Variants in CSMD3 observed in about 807,000 individuals in gnomAD.
CSMD3 encodes CUB and Sushi multiple domains 3.
Under a neutral mutation model 435.2 loss-of-function variants are expected in CSMD3, and 177 were observed. That is an observed-to-expected ratio of 0.41 (90% confidence interval 0.36 to 0.46). CSMD3 has a LOEUF of 0.46. Among genes scored for constraint, CSMD3 ranks in the 20% least tolerant of loss-of-function variants. The probability of loss-of-function intolerance (pLI) is 0.34; values close to 1 mark genes in which losing one functional copy is unlikely to be tolerated. For missense variants in CSMD3, 4,265 were observed against 4,504.6 expected (o/e 0.95, Z 1.52); for synonymous variants, 1,656 against 1,520.5 (o/e 1.09, Z -2.07).
chr8:112,573,431 T>G (rs2131300193), intron 24 of CSMD3, 70 bp downstream of exon 24: 2 of 1,187,934 alleles, frequency 1.7e-6, no homozygotes, highest in Non-Finnish European at 2.5e-6. Context: ...TTTCAATTTG[T>G]GCAATGTAAT....
At chr8:112,726,613 T>C (rs1400437431) in intron 13 of CSMD3, among the ~76,000 whole-genome samples, 2 of 151,836 alleles carry the variant, frequency 1.3e-5, no homozygotes, top group Non-Finnish European at 2.9e-5. Flanking sequence ...AAATTACATA[T>C]GGAGCTTGGA....
At chr8:112,429,213 A>T (rs1473910120) in intron 32 of CSMD3, among the ~76,000 whole-genome samples, 1 of 152,020 alleles carries the variant, frequency 6.6e-6, no homozygotes, top group African/African-American at 2.4e-5. Flanking sequence ...TAAATACCTC[A>T]ACCCCTGTTA....
chr8:112,478,149 T>C (rs1029838036), intron 31 of CSMD3, among the ~76,000 whole-genome samples: 4 of 152,158 alleles, frequency 2.6e-5, no homozygotes, highest in African/African-American at 7.2e-5. Flanking sequence ...TGTGGAACTA[T>C]AAGTCCAATA....
In CSMD3 at chr8:112,682,514, C is replaced by T. The variant is rs2131785778; in HGVS notation, c.2605G>A (p.Gly869Arg). ...ICEEGFIKTQ[G>R]TETITCILMD... ...AGAATACATGTAATTGTTTCTGTTC[C>T]CTGGGTTTTAATAAATCCTTCTTCA... Residue 869 changes from glycine (G) to arginine (R), a missense_variant, in exon 16 of 71, where the codon GGA (glycine) becomes AGA (arginine). This residue lies in a region of CSMD3 where 279 missense variants were observed against 369.0 expected (regional missense o/e 0.76). Coordinates refer to ENST00000297405, the MANE Select transcript of CSMD3 (RefSeq NM_198123.2). The T allele has an allele frequency of 6.2e-7, 1 of 1,613,614 alleles. No homozygotes were observed. The highest frequency in any genetic ancestry group is 8.5e-7 in the Non-Finnish European group (1 of 1,179,782).
At chr8:112,525,761 T>C (rs1824835262) in intron 27 of CSMD3, among the ~76,000 whole-genome samples, 1 of 141,846 alleles carries the variant, frequency 7.0e-6, no homozygotes, top group Admixed American at 7.2e-5. Context: ...CATATATATA[T>C]ATATATATAT....
At chr8:113,312,627 G>A (rs935231748) in intron 2 of CSMD3, 4 of 152,114 alleles carry the variant, frequency 2.6e-5, no homozygotes, top group Non-Finnish European at 4.4e-5. Context: ...ATTACTATCA[G>A]GGAATTGATA....
intron 22 of CSMD3, among the ~76,000 whole-genome samples, chr8:112,589,315 G>C (rs1563738155): frequency 6.6e-6 from 1 of 152,062 alleles, no homozygotes; most frequent in Non-Finnish European, 1.5e-5. Context: ...CTCACAATCT[G>C]AGCCTTTGAA....
chr8:112,708,800 T>C (rs141368079), intron 13 of CSMD3, among the ~76,000 whole-genome samples: 1 of 152,010 alleles, frequency 6.6e-6, no homozygotes, highest in African/African-American at 2.4e-5. Context: ...AGGTCGGACT[T>C]GGTCAATGAC....
At chr8:113,291,509 C>T (rs1234363992) in intron 2 of CSMD3, among the ~76,000 whole-genome samples, 1 of 151,760 alleles carries the variant, frequency 6.6e-6, no homozygotes, top group African/African-American at 2.4e-5. Context: ...ATTATGGATT[C>T]TAGATGGAAG....
chr8:112,576,356 A>G (rs531710345), intron 23 of CSMD3, among the ~76,000 whole-genome samples: 40 of 152,194 alleles, frequency 2.6e-4, no homozygotes, highest in Non-Finnish European at 4.9e-4. Context: ...AACTAACAAA[A>G]TAAGTCAACA....
chr8:112,440,023 C>G (rs934867690), intron 32 of CSMD3, among the ~76,000 whole-genome samples: 1 of 152,170 alleles, frequency 6.6e-6, no homozygotes, highest in Non-Finnish European at 1.5e-5. Context: ...CCAACAGTCA[C>G]CCACAGTCTT....
chr8:112,614,694 A>C (rs1833529166), intron 22 of CSMD3, among the ~76,000 whole-genome samples: 1 of 152,078 alleles, frequency 6.6e-6, no homozygotes, highest in South Asian at 2.1e-4. Context: ...TTTTAAAATA[A>C]AGTATTTTAA....
chr8:112,824,807 T>C (rs10094721), intron 12 of CSMD3, among the ~76,000 whole-genome samples: 2,132 of 152,242 alleles, frequency 0.014, 53 homozygotes, highest in African/African-American at 0.049. Flanking sequence ...TTATGGAGTA[T>C]CTTAGTGGTG....
At chr8:112,463,748 A>G (rs772564154) in intron 32 of CSMD3, among the ~76,000 whole-genome samples, 12 of 151,872 alleles carry the variant, frequency 7.9e-5, no homozygotes, top group Non-Finnish European at 1.8e-4. Context: ...CAGAGAAACA[A>G]CTCTTACTGT....
At chr8:113,396,842 T>C (rs1043079853) in intron 1 of CSMD3, among the ~76,000 whole-genome samples, 5 of 152,068 alleles carry the variant, frequency 3.3e-5, no homozygotes, top group African/African-American at 7.2e-5. Context: ...ACCAGATATA[T>C]TATTTATTTA....
intron 22 of CSMD3, among the ~76,000 whole-genome samples, chr8:112,588,613 CA>C (rs973191571): frequency 7.9e-5 from 12 of 152,048 alleles, no homozygotes; most frequent in African/African-American, 2.9e-4. Flanking sequence ...AACAAAATGA[CA>C]AAAACAATAA....
At chr8:112,734,083 A>G (rs991239477) in intron 13 of CSMD3, among the ~76,000 whole-genome samples, 2 of 151,982 alleles carry the variant, frequency 1.3e-5, no homozygotes, top group African/African-American at 4.8e-5. Context: ...GAAGAGTAAG[A>G]CAAATGCAAT....
intron 4 of CSMD3, among the ~76,000 whole-genome samples, chr8:113,162,963 T>C (rs1230119635): frequency 6.6e-6 from 1 of 152,198 alleles, no homozygotes; most frequent in African/African-American, 2.4e-5. Flanking sequence ...TCTTAGAAGA[T>C]GGAGTTTTAC....
rs753781821 is a variant in CSMD3, at chr8:112,374,154, TGTTA to T, written c.6136+6194_6136+6197del. Among the ~76,000 whole-genome samples the T allele has an allele frequency of 6.6e-5, 10 of 152,280 alleles. No individual in the cohort carries two copies. The East Asian group carries it at 1.5e-3, about 23-fold the overall frequency. On this transcript the variant is annotated intron_variant, in intron 38 of 70. Transcript: ENST00000297405. ...TAAACTCAATACTTAGCAAATATTA[TGTTA>T]ATGTCCTTACTGATTAGACAGTAGA...
Sources: allele counts gnomAD v4.1 joint callset (sites outside exome capture counted in the v4.1 genomes callset), GRCh38; gene constraint gnomAD v4.1.1; regional missense constraint gnomAD v4.1.1; transcripts MANE v1.5; gene names NCBI Gene and HGNC (gene_info 2026-07-23, HGNC 2026-07-21).